Variants in USP43 observed in about 807,000 individuals in gnomAD.
The protein encoded by USP43 is ubiquitin carboxyl-terminal hydrolase 43.
USP43 carries 33 observed loss-of-function variants against 90.7 expected under a neutral mutation model. The observed-to-expected ratio is 0.36, with a 90% CI of 0.28 to 0.49. USP43 has a LOEUF of 0.49. Among genes scored for constraint, USP43 ranks in the 20% least tolerant of loss-of-function variants. USP43 has a pLI of 0.98. For synonymous variants in USP43, 598 were observed against 615.8 expected, an observed-to-expected ratio of 0.97 and a Z score of 0.43; for missense variants, 1,274 against 1,476.4, an observed-to-expected ratio of 0.86 and a Z score of 2.25.
rs1914604298 is a variant in USP43 at position 9,686,506 on chromosome 17, G to A, written c.1242-292G>A. ...TTTTGATAATAGCCATCCTAACTGGGGTAAGATGATATCTCATTGGGGTTT... is the reference window on the plus strand; with the variant it reads ...TTTTGATAATAGCCATCCTAACTGGAGTAAGATGATATCTCATTGGGGTTT... On this transcript the variant is annotated intron_variant, in intron 7 of 14. Coordinates refer to ENST00000285199, the MANE Select transcript of USP43 (RefSeq NM_153210.5). The surrounding 1 kb of genome is among the most constrained non-coding windows in gnomAD (Gnocchi z 5.5). 6.6e-6 allele frequency among the ~76,000 whole-genome samples: 1 copy of A among 152,080 alleles called. No individual in the cohort carries two copies. Among genetic ancestry groups the A allele is most frequent in the South Asian group, 2.1e-4 (1 of 4,824 alleles).
In USP43 at chr17:9,648,343, A is replaced by G. The variant is rs377593288; in HGVS notation, c.504+2207A>G. Reference sequence around the variant, plus strand: ...GGAAACATTCGTTCAACAAATATTTATTGAATGTCCAGAGAGTAGACTAGG... The same window carrying G: ...GGAAACATTCGTTCAACAAATATTTGTTGAATGTCCAGAGAGTAGACTAGG... On this transcript the variant is annotated intron_variant, in intron 1 of 14. Transcript: ENST00000285199. 7.2e-5 allele frequency among the ~76,000 whole-genome samples: 11 copies of G among 152,334 alleles called. 1 individual carries two copies. The highest frequency in any genetic ancestry group is 2.6e-4 in the African/African-American group (11 of 41,576).
At chr17:9,680,017 T>C (rs1348313264) in intron 5 of USP43, among the ~76,000 whole-genome samples, 5 of 151,924 alleles carry the variant, frequency 3.3e-5, no homozygotes, top group Admixed American at 6.6e-5. Context: ...ACTTAGATTT[T>C]TTTTTTTTTT....
At chr17:9,657,258 G>A (rs1912324270) in intron 2 of USP43, among the ~76,000 whole-genome samples, 1 of 152,150 alleles carries the variant, frequency 6.6e-6, no homozygotes, top group Non-Finnish European at 1.5e-5. Flanking sequence ...TGTAATCCCA[G>A]CACTTTGGAA....
At chr17:9,712,589 C>T (rs549811767) in intron 14 of USP43, among the ~76,000 whole-genome samples, 7 of 152,094 alleles carry the variant, frequency 4.6e-5, no homozygotes, top group South Asian at 2.1e-4. Flanking sequence ...GGAGAGGAGC[C>T]CTCCAGGGTG....
At chr17:9,714,976 G>T (rs533129469) in intron 14 of USP43, among the ~76,000 whole-genome samples, 21 of 152,314 alleles carry the variant, frequency 1.4e-4, no homozygotes, top group African/African-American at 5.1e-4. Flanking sequence ...GAGAAGGGAG[G>T]CCTGCCTGCA....
chr17:9,668,899 G>T (rs1441428517), intron 3 of USP43, among the ~76,000 whole-genome samples: 1 of 152,112 alleles, frequency 6.6e-6, no homozygotes, highest in African/African-American at 2.4e-5. Flanking sequence ...GCAATGGCAC[G>T]ATCTTGGTTC....
chr17:9,657,466 C>T (rs916859672), intron 2 of USP43, among the ~76,000 whole-genome samples: 1 of 151,364 alleles, frequency 6.6e-6, no homozygotes, highest in African/African-American at 2.4e-5. Flanking sequence ...CACCGTTGCA[C>T]TCCAGCCTGG....
intron 9 of USP43, among the ~76,000 whole-genome samples, chr17:9,695,537 G>C (rs1253585898): frequency 1.3e-5 from 2 of 151,970 alleles, no homozygotes; most frequent in Admixed American, 1.3e-4. Flanking sequence ...GTTTCACCAT[G>C]GTAGCCAGGA....
chr17:9,680,528 ATTAT>A (rs1914097147), intron 6 of USP43, among the ~76,000 whole-genome samples, 162 bp downstream of exon 6: 1 of 152,212 alleles, frequency 6.6e-6, no homozygotes, highest in South Asian at 2.1e-4. Flanking sequence ...GATATTAAAA[ATTAT>A]TCACCTAACA....
intron 3 of USP43, among the ~76,000 whole-genome samples, chr17:9,670,134 G>C (rs181268433): frequency 6.6e-6 from 1 of 151,512 alleles, no homozygotes; most frequent in Non-Finnish European, 1.5e-5. Context: ...TGCTTCCCAG[G>C]TTCAAGCCAT....
chr17:9,688,131 G>A (rs1349451805), intron 8 of USP43, among the ~76,000 whole-genome samples: 2 of 144,942 alleles, frequency 1.4e-5, no homozygotes, highest in South Asian at 2.3e-4. Flanking sequence ...GACTACAGGC[G>A]CCCGCCACCA....
intron 13 of USP43, among the ~76,000 whole-genome samples, chr17:9,710,500 CT>C (rs753636549): frequency 0.036 from 3,093 of 85,792 alleles, 17 homozygotes; most frequent in Middle Eastern, 0.1. Context: ...GGAAAGGTAG[CT>C]TTTTTTTTTT....
Position 9,701,813 on chromosome 17 carries a change from C to T in USP43, c.2011+113C>T, listed in dbSNP as rs1915592731. The T allele has an allele frequency of 1.7e-5, 15 of 902,214 alleles. No homozygotes were observed. Among genetic ancestry groups the T allele is most frequent in the Non-Finnish European group, 2.4e-5 (15 of 617,540 alleles). 55.9% of individuals were successfully genotyped at this position (902,214 alleles called of 1,614,324 possible). A position where few individuals can be genotyped will look rare whatever the true frequency, so the allele number is the denominator to read the frequency against. ...CCCTGGGGCACTTATTGAGATCCGA[C>T]CCCTCACCCACCGCACACCAGGAAG... On this transcript the variant is annotated intron_variant, in intron 12 of 14. Transcript: ENST00000285199. The surrounding 1 kb of genome is among the most constrained non-coding windows in gnomAD (Gnocchi z 7.2).
intron 13 of USP43, 46 bp from the exon 14 acceptor site, chr17:9,711,922 A>G: frequency 2.6e-6 from 4 of 1,527,830 alleles, no homozygotes; most frequent in Non-Finnish European, 3.5e-6. Context: ...AGGACTCTGA[A>G]GTGCTGGGGT....
intron 12 of USP43, among the ~76,000 whole-genome samples, chr17:9,708,941 C>T (rs1045010417): frequency 6.6e-6 from 1 of 151,898 alleles, no homozygotes; most frequent in African/African-American, 2.4e-5. Flanking sequence ...TTTTTTCCCC[C>T]GTTTATTAAT....
intron 1 of USP43, among the ~76,000 whole-genome samples, chr17:9,651,268 T>C (rs1468882913): frequency 1.3e-5 from 2 of 152,042 alleles, no homozygotes; most frequent in Non-Finnish European, 2.9e-5. Context: ...CTTGGCTCAC[T>C]GCAACCTCTG....
At chr17:9,710,173 A>T in intron 13 of USP43, 59 bp downstream of exon 13, 1 of 1,367,366 alleles carries the variant, frequency 7.3e-7, no homozygotes, top group Non-Finnish European at 9.5e-7. Context: ...AAGAACTGGG[A>T]AGAGGCTCAG....
chr17:9,707,373 G>A (rs1273770730), intron 12 of USP43, among the ~76,000 whole-genome samples: 1 of 152,090 alleles, frequency 6.6e-6, no homozygotes, highest in East Asian at 1.9e-4. Context: ...TTGGCCAGGC[G>A]CGGTGGCTCA....
chr17:9,668,296 C>T (rs1913177479), intron 3 of USP43, among the ~76,000 whole-genome samples: 1 of 152,118 alleles, frequency 6.6e-6, no homozygotes, highest in South Asian at 2.1e-4. Context: ...ATTCAGTCTT[C>T]TAGAATTTCC....
Sources: gnomAD v4.1 joint callset for allele counts (sites outside exome capture counted in the v4.1 genomes callset) on GRCh38, gnomAD v4.1.1 for gene constraint, Gnocchi (gnomAD v3.1) non-coding constraint, MANE v1.5 for transcripts, NCBI Gene and HGNC (gene_info 2026-07-23, HGNC 2026-07-21) for gene names.